CDCP1: variants seen among roughly 807,000 people sequenced by gnomAD.
CDCP1 encodes the protein CUB domain-containing protein 1.
CDCP1 carries 29 observed loss-of-function variants against 60.2 expected under a neutral mutation model. The ratio of observed to expected loss-of-function variants is 0.48; its 90% CI spans 0.36 to 0.66. The LOEUF (loss-of-function observed/expected upper bound fraction) is 0.66, where lower values mean the gene tolerates loss of function less well. Ranked by LOEUF, CDCP1 falls within the 30% of genes least tolerant of loss-of-function variation. The probability of loss-of-function intolerance (pLI) is 0.00; values close to 1 mark genes in which losing one functional copy is unlikely to be tolerated. For missense variants in CDCP1, 876 were observed against 1,074.3 expected (o/e 0.82, Z 2.58); for synonymous variants, 387 against 431.1 (o/e 0.90, Z 1.27).
Position 45,089,064 on chromosome 3 carries a change from C to T in CDCP1, c.2071G>A (p.Val691Met). The T allele has an allele frequency of 1.2e-6, 2 of 1,613,904 alleles. No homozygotes were observed. Among genetic ancestry groups the T allele is most frequent in the Non-Finnish European group, 1.7e-6 (2 of 1,179,798 alleles). Residue 691 changes from valine (V) to methionine (M), a missense_variant, in exon 8 of 9, where the codon GTG (valine) becomes ATG (methionine). By Grantham distance (21) the Val-to-Met change is conservative. Coordinates refer to ENST00000296129, the MANE Select transcript of CDCP1 (RefSeq NM_022842.5). Reference protein sequence around the residue: ...LSALGLIICCVKKKKKKTNKG... With the variant: ...LSALGLIICCMKKKKKKTNKG... ...AGAGATTCCACCTACTTCTTTTTCA[C>T]ACAGCAAATGATGAGCCCGAGGGCA...
intron 2 of CDCP1, among the ~76,000 whole-genome samples, 179 bp downstream of exon 2, chr3:45,118,233 C>T (rs1380884959): frequency 1.3e-5 from 2 of 152,212 alleles, no homozygotes; most frequent in African/African-American, 2.4e-5. Flanking sequence ...ACAAATTAAG[C>T]TGTGTAACGC....
intron 5 of CDCP1, among the ~76,000 whole-genome samples, chr3:45,094,444 T>C (rs1559776346): frequency 6.6e-6 from 1 of 152,100 alleles, no homozygotes; most frequent in East Asian, 1.9e-4. Context: ...GCAGACATGT[T>C]GGCAGACCAG....
chr3:45,094,382 T>C (rs1698359987), intron 5 of CDCP1, among the ~76,000 whole-genome samples: 2 of 152,180 alleles, frequency 1.3e-5, no homozygotes, highest in Non-Finnish European at 1.5e-5. Flanking sequence ...CCCAACACCA[T>C]GCCCGGCTAA....
At position 45,093,396 on chromosome 3, in the gene CDCP1, G is replaced by C. The variant is rs749688848; in HGVS notation, c.1508C>G (p.Ser503Cys). Reference protein sequence around the residue: ...LYFGSFCPGGSIKQIQVKQNI... With the variant: ...LYFGSFCPGGCIKQIQVKQNI... ...CTGCTTCACCTGGATCTGCTTGATA[G>C]AGCCTCCCGGGCAGAAGGAGCCGAA... Residue 503 changes from serine (S) to cysteine (C), a missense_variant, in exon 6 of 9, where the codon TCT becomes TGT. Ser to Cys is a moderately radical substitution (Grantham distance 112, BLOSUM62 -1). Around this residue, in one of 2 missense-constraint regions of CDCP1, gnomAD observed 726 missense variants for 935.7 expected, o/e 0.78. Transcript: ENST00000296129. 4 of 1,614,194 alleles carry C rather than the reference G, an allele frequency of 2.5e-6. No homozygotes were observed. The highest frequency in any genetic ancestry group is 1.1e-5 in the South Asian group (1 of 91,078).
At chr3:45,116,051 CATA>C (rs554186614) in intron 2 of CDCP1, among the ~76,000 whole-genome samples, 210 of 152,164 alleles carry the variant, frequency 1.4e-3, no homozygotes, top group African/African-American at 4.9e-3. Context: ...CAAGGGCATG[CATA>C]ATAAGCCTCC....
chr3:45,127,946 G>C (rs1240900851), intron 1 of CDCP1, among the ~76,000 whole-genome samples: 3 of 152,252 alleles, frequency 2.0e-5, no homozygotes, highest in African/African-American at 7.2e-5. Context: ...AGAAAGGGAT[G>C]GGTGGCAGGG....
intron 3 of CDCP1, 112 bp from the exon 4 acceptor site, chr3:45,110,953 C>T: frequency 8.3e-7 from 1 of 1,201,046 alleles, no homozygotes. Flanking sequence ...TTCTCAGATC[C>T]TGAGCAGTGG....
chr3:45,094,187 A>G lies in CDCP1; in HGVS notation c.1247-530T>C, dbSNP rs140839401. On this transcript the variant is annotated intron_variant, in intron 5 of 8. Transcript: ENST00000296129. ...CACACATCAGAAGTCATGGTAGCCC[A>G]GCAAGGAGGTGGCTGTTGGTTTACT... is the stretch of plus-strand genomic sequence containing the variant. Among the ~76,000 whole-genome samples, 883 of 152,070 alleles carry G rather than the reference A, an allele frequency of 5.8e-3. 4 individuals are homozygous for G. The highest frequency in any genetic ancestry group is 0.021 in the African/African-American group (851 of 41,510).
intron 8 of CDCP1, among the ~76,000 whole-genome samples, chr3:45,086,656 A>G (rs1698200683): frequency 6.6e-6 from 1 of 152,380 alleles, no homozygotes. Flanking sequence ...CCAGTGCCTC[A>G]GTAGTCACCC....
chr3:45,099,462 C>T (rs1237458924), intron 4 of CDCP1, among the ~76,000 whole-genome samples: 1 of 152,098 alleles, frequency 6.6e-6, no homozygotes, highest in Non-Finnish European at 1.5e-5. Flanking sequence ...TGAAATGTTA[C>T]AATACTGTGC....
chr3:45,119,850 C>T (rs934190816), intron 1 of CDCP1, among the ~76,000 whole-genome samples: 3 of 152,160 alleles, frequency 2.0e-5, no homozygotes, highest in Non-Finnish European at 4.4e-5. Flanking sequence ...CCTCAGTGCC[C>T]CTCTGCAGTC....
At chr3:45,122,334 G>A (rs1020229719) in intron 1 of CDCP1, among the ~76,000 whole-genome samples, 3 of 152,024 alleles carry the variant, frequency 2.0e-5, no homozygotes, top group African/African-American at 7.2e-5. Flanking sequence ...AGTAGAGCTG[G>A]GGTTTCACCA....
At chr3:45,130,290 T>A (rs545251284) in intron 1 of CDCP1, among the ~76,000 whole-genome samples, 1 of 152,172 alleles carries the variant, frequency 6.6e-6, no homozygotes, top group South Asian at 2.1e-4. Flanking sequence ...CCTGACTAAT[T>A]TTTTAATTTT....
chr3:45,093,479 G>A lies in CDCP1; in HGVS notation c.1425C>T (p.Pro475=). Residue 475 remains proline (P), a synonymous_variant, in exon 6 of 9, where the codon CCC becomes CCT. Transcript: ENST00000296129. ...CGAGGTAGCTGAAGCTGGTGTTGCA[G>A]GGCTTCTCGTGTGTATGCTGCTGCA... ...QKLQQHTHEK[P]CNTSFSYLVA... is the part of the protein sequence containing the mutation. 6.2e-7 allele frequency: 1 copy of A among 1,614,090 alleles called. No individual in the cohort carries two copies. The highest frequency in any genetic ancestry group is 8.5e-7 in the Non-Finnish European group (1 of 1,179,934).
At chr3:45,118,357 G>C in intron 2 of CDCP1, 55 bp downstream of exon 2, 1 of 1,240,842 alleles carries the variant, frequency 8.1e-7, no homozygotes, top group Non-Finnish European at 1.2e-6. Context: ...GACAGTCAGG[G>C]AGGTGTAGAG....
intron 5 of CDCP1, among the ~76,000 whole-genome samples, chr3:45,094,474 T>C (rs1300557965): frequency 6.6e-6 from 1 of 152,160 alleles, no homozygotes; most frequent in Non-Finnish European, 1.5e-5. Context: ...CCTCAAGTTA[T>C]CTGCCTGATA....
intron 1 of CDCP1, among the ~76,000 whole-genome samples, chr3:45,119,361 C>T (rs1203429243): frequency 6.6e-6 from 1 of 152,128 alleles, no homozygotes; most frequent in East Asian, 1.9e-4. Context: ...ATTTGCTTTG[C>T]TTGATTGATT....
chr3:45,112,199 T>C lies in CDCP1; in HGVS notation c.539A>G (p.Asn180Ser), dbSNP rs754300803. ...CATCTTGATCCGGGACACAGTGCCA[T>C]TGCTGCAGAAGGTTCCGATCCTGAC... ...TVVRIGTFCSNGTVSRIKMQE... is the reference protein window; with the variant it reads ...TVVRIGTFCSSGTVSRIKMQE... Residue 180 changes from asparagine to serine, a missense_variant, in exon 3 of 9, where the codon AAT becomes AGT. By Grantham distance (46) the Asn-to-Ser change is conservative. This residue lies in a region of CDCP1 where 726 missense variants were observed against 935.7 expected (regional missense o/e 0.78). Transcript: ENST00000296129. 3.1e-6 allele frequency: 5 copies of C among 1,614,188 alleles called. No individual in the cohort carries two copies. The highest frequency in any genetic ancestry group is 1.1e-5 in the South Asian group (1 of 91,086).
Position 45,110,662 on chromosome 3 carries a change from C to A in CDCP1, c.835G>T (p.Glu279Ter). Residue 279 changes from glutamate to a stop codon, truncating the protein, a stop_gained, in exon 4 of 9, where the codon GAG (glutamate) becomes TAG (stop). Coordinates refer to ENST00000296129, the MANE Select transcript of CDCP1 (RefSeq NM_022842.5). LOFTEE classifies it high-confidence loss of function. ...CCCGGGATGTAGTATTCAACCCGCT[C>A]CTCCTTCCTCTCACAGTTGGAGAGG... ...FNLSNCERKE[E>*]RVEYYIPGST... The A allele has an allele frequency of 6.2e-7, 1 of 1,614,172 alleles. No individual in the cohort carries two copies. Among genetic ancestry groups the A allele is most frequent in the Non-Finnish European group, 8.5e-7 (1 of 1,180,032 alleles).
Sources: gnomAD v4.1 joint callset for allele counts (sites outside exome capture counted in the v4.1 genomes callset) on GRCh38, gnomAD v4.1.1 for gene constraint, gnomAD v4.1.1 regional missense constraint, MANE v1.5 for transcripts, NCBI Gene and HGNC (gene_info 2026-07-23, HGNC 2026-07-21) for gene names.